CTNNA3: variants seen among roughly 807,000 people sequenced by gnomAD.
CTNNA3 encodes the protein catenin alpha 3.
In CTNNA3, 76 loss-of-function variants were observed where a neutral mutation model predicts 95.7. The ratio of observed to expected loss-of-function variants is 0.79; its 90% CI spans 0.66 to 0.96. CTNNA3 has a LOEUF of 0.96. Ranked by LOEUF, CTNNA3 falls within the 40% of genes least tolerant of loss-of-function variation. The probability of loss-of-function intolerance (pLI) is 0.00; values close to 1 mark genes in which losing one functional copy is unlikely to be tolerated. For missense variants in CTNNA3, 1,191 were observed against 1,089.8 expected, an observed-to-expected ratio of 1.09 and a Z score of -1.31; for synonymous variants, 431 against 374.4, an observed-to-expected ratio of 1.15 and a Z score of -1.74.
At chr10:67,539,388 G>A in intron 4 of CTNNA3, 115 bp downstream of exon 4, 1 of 1,079,546 alleles carries the variant, frequency 9.3e-7, no homozygotes, top group African/African-American at 1.6e-5. Context: ...CTTCTGAAGG[G>A]GTGATGTTAA....
At chr10:67,389,820 A>G (rs1844377301) in intron 5 of CTNNA3, among the ~76,000 whole-genome samples, 1 of 152,178 alleles carries the variant, frequency 6.6e-6, no homozygotes, top group African/African-American at 2.4e-5. Flanking sequence ...CTGGGTACAT[A>G]AGAAATGAAG....
At chr10:66,858,039 A>AT (rs1342138870) in intron 7 of CTNNA3, among the ~76,000 whole-genome samples, 2 of 151,258 alleles carry the variant, frequency 1.3e-5, no homozygotes, top group African/African-American at 2.4e-5. Flanking sequence ...TTGGCTGTAG[A>AT]TTTTTTTTGG....
intron 1 of CTNNA3, among the ~76,000 whole-genome samples, chr10:67,714,228 G>A (rs903029030): frequency 1.4e-4 from 22 of 152,294 alleles, no homozygotes; most frequent in Non-Finnish European, 3.2e-4. Flanking sequence ...CATGCACCTG[G>A]AAAAGCCACA....
intron 9 of CTNNA3, among the ~76,000 whole-genome samples, chr10:66,679,065 A>T (rs1458711467): frequency 6.6e-6 from 1 of 152,176 alleles, no homozygotes; most frequent in Non-Finnish European, 1.5e-5. Context: ...TTTTGTTTTT[A>T]AAAGATCACT....
chr10:67,704,526 A>G (rs1295949638), intron 1 of CTNNA3, among the ~76,000 whole-genome samples: 1 of 152,240 alleles, frequency 6.6e-6, no homozygotes, highest in Non-Finnish European at 1.5e-5. Flanking sequence ...AGCAATGGGG[A>G]AAGGATTCCC....
chr10:67,444,279 T>C (rs1846653776), intron 5 of CTNNA3, among the ~76,000 whole-genome samples: 1 of 152,016 alleles, frequency 6.6e-6, no homozygotes. Flanking sequence ...AATTAAACAA[T>C]ATACTCCTGA....
intron 5 of CTNNA3, among the ~76,000 whole-genome samples, chr10:67,513,134 T>G (rs1411508237): frequency 1.3e-5 from 2 of 152,202 alleles, no homozygotes; most frequent in Admixed American, 1.3e-4. Context: ...CAGTTTGATA[T>G]GAAACCCAAT....
chr10:65,943,654 G>T (rs959040053), intron 17 of CTNNA3, among the ~76,000 whole-genome samples: 25 of 152,140 alleles, frequency 1.6e-4, no homozygotes, highest in Non-Finnish European at 3.5e-4. Context: ...GCCACCACAG[G>T]TCACTACTTT....
intron 3 of CTNNA3, among the ~76,000 whole-genome samples, chr10:67,585,454 A>G (rs573376650): frequency 1.8e-3 from 269 of 152,254 alleles, no homozygotes; most frequent in African/African-American, 6.0e-3. Context: ...CTGTGAATCC[A>G]TCTGGTCCTG....
At chr10:67,445,027 A>AG (rs1846687356) in intron 5 of CTNNA3, among the ~76,000 whole-genome samples, 1 of 152,146 alleles carries the variant, frequency 6.6e-6, no homozygotes, top group Non-Finnish European at 1.5e-5. Flanking sequence ...GGAAAAAAAA[A>AG]CTAATACCAA....
rs539277596 is a variant in CTNNA3 at position 67,632,718 on chromosome 10, G to A, written c.99+14697C>T. On this transcript the variant is annotated intron_variant, in intron 2 of 17. Coordinates refer to ENST00000433211, the MANE Select transcript of CTNNA3 (RefSeq NM_013266.4). ...TCTCGTGAGCCCACACCACCAGGGCGTTGGGTCTGATACACAGAACTGTGT... is the reference window on the plus strand; with the variant it reads ...TCTCGTGAGCCCACACCACCAGGGCATTGGGTCTGATACACAGAACTGTGT... Among the ~76,000 whole-genome samples the A allele has an allele frequency of 3.9e-5, 6 of 152,232 alleles. No individual in the cohort carries two copies. In the South Asian group the frequency reaches 1.2e-3, roughly 32 times the overall value.
At chr10:66,180,900 T>C (rs1490095836) in intron 13 of CTNNA3, among the ~76,000 whole-genome samples, 3 of 152,104 alleles carry the variant, frequency 2.0e-5, no homozygotes, top group African/African-American at 7.2e-5. Flanking sequence ...CTAAATTCTG[T>C]TTAGTGGTAG....
chr10:67,536,489 C>G lies in CTNNA3; in HGVS notation c.459+3014G>C, dbSNP rs1840490797. Among the ~76,000 whole-genome samples, 5 of 152,086 alleles carry G rather than the reference C, an allele frequency of 3.3e-5. No homozygotes were observed. The South Asian group carries it at 8.3e-4, about 25-fold the overall frequency. On this transcript the variant is annotated intron_variant, in intron 4 of 17. Coordinates refer to ENST00000433211, the MANE Select transcript of CTNNA3 (RefSeq NM_013266.4). Reference sequence around the variant, plus strand: ...ATATTATCAGAGAGTCTTTCTACGTCAGGTAAAATATTAAACTGTAAGGGC... The same window carrying G: ...ATATTATCAGAGAGTCTTTCTACGTGAGGTAAAATATTAAACTGTAAGGGC...
chr10:67,492,065 G>A (rs1374912589), intron 5 of CTNNA3, among the ~76,000 whole-genome samples: 1 of 152,026 alleles, frequency 6.6e-6, no homozygotes, highest in Non-Finnish European at 1.5e-5. Flanking sequence ...TTAGATTAAA[G>A]GCAGTTATTG....
chr10:67,489,429 T>A (rs1848570872), intron 5 of CTNNA3, among the ~76,000 whole-genome samples: 1 of 152,194 alleles, frequency 6.6e-6, no homozygotes, highest in African/African-American at 2.4e-5. Context: ...TCAACCTAAG[T>A]TGCAACTTGT....
chr10:67,722,197 C>T lies in CTNNA3; in HGVS notation c.-2+41237G>A, dbSNP rs189474678. Among the ~76,000 whole-genome samples the T allele has an allele frequency of 2.1e-4, 32 of 152,222 alleles. No homozygotes were observed. In the East Asian group the frequency reaches 5.0e-3, roughly 24 times the overall value. ...TAAGAACCAAATTTTTAGAATTCAGCATTAGGGTTTACATCTAGCAGAATT... is the reference window on the plus strand; with the variant it reads ...TAAGAACCAAATTTTTAGAATTCAGTATTAGGGTTTACATCTAGCAGAATT... On this transcript the variant is annotated intron_variant, in intron 1 of 17. Coordinates refer to the CTNNA3 transcript ENST00000684154.
chr10:67,348,084 T>G (rs1479271871), intron 5 of CTNNA3, among the ~76,000 whole-genome samples: 3 of 152,086 alleles, frequency 2.0e-5, no homozygotes, highest in African/African-American at 7.2e-5. Flanking sequence ...ACAAATGGTG[T>G]AAAAACTCAT....
chr10:67,351,668 A>G (rs1842644018), intron 5 of CTNNA3, among the ~76,000 whole-genome samples: 1 of 151,986 alleles, frequency 6.6e-6, no homozygotes, highest in East Asian at 1.9e-4. Flanking sequence ...AATTAATGCA[A>G]AGTTATTTTT....
At chr10:66,958,799 T>C (rs779264776) in intron 7 of CTNNA3, among the ~76,000 whole-genome samples, 4 of 152,136 alleles carry the variant, frequency 2.6e-5, no homozygotes, top group Non-Finnish European at 5.9e-5. Context: ...CCTCCAAATA[T>C]GACTGCTCAA....
Sources: gnomAD v4.1 joint callset for allele counts (sites outside exome capture counted in the v4.1 genomes callset) on GRCh38, gnomAD v4.1.1 for gene constraint, MANE v1.5 for transcripts, NCBI Gene and HGNC (gene_info 2026-07-23, HGNC 2026-07-21) for gene names.